POFUT3: variants seen among roughly 807,000 people sequenced by gnomAD.
POFUT3 encodes protein O-fucosyltransferase 3, also known as GDP-fucose protein O-fucosyltransferase 3.
At chr8:33,387,885 G>A in the POFUT3 span, among the ~76,000 whole-genome samples, 1 of 152,156 alleles carries the variant, frequency 6.6e-6, no homozygotes, top group Non-Finnish European at 1.5e-5. Context: ...TGGGTGATAG[G>A]CAAGTGCTAT....
the POFUT3 span, among the ~76,000 whole-genome samples, chr8:33,460,284 G>C: frequency 6.6e-6 from 1 of 152,136 alleles, no homozygotes; most frequent in Admixed American, 6.6e-5. Context: ...AGCCCAGGGA[G>C]GTCGAGGCTG....
chr8:33,442,284 C>A, the POFUT3 span, among the ~76,000 whole-genome samples: 5 of 141,316 alleles, frequency 3.5e-5, no homozygotes, highest in African/African-American at 1.3e-4. Context: ...ACTTCTTTTT[C>A]TTTCTCTTTT....
At chr8:33,364,038 C>T in the POFUT3 span, among the ~76,000 whole-genome samples, 14 of 152,228 alleles carry the variant, frequency 9.2e-5, no homozygotes, top group African/African-American at 3.4e-4. Context: ...ACTGGCAAAC[C>T]GAATCCAGCA....
At chr8:33,373,545 C>A in the POFUT3 span, among the ~76,000 whole-genome samples, 1 of 152,160 alleles carries the variant, frequency 6.6e-6, no homozygotes, top group African/African-American at 2.4e-5. Context: ...CCCCTTGATT[C>A]CACTTCTGAT....
the POFUT3 span, among the ~76,000 whole-genome samples, chr8:33,443,855 G>C: frequency 6.6e-6 from 1 of 152,090 alleles, no homozygotes. Flanking sequence ...GCCAGGCATG[G>C]GGACTCATGC....
chr8:33,445,732 C>T, the POFUT3 span, among the ~76,000 whole-genome samples: 1 of 152,092 alleles, frequency 6.6e-6, no homozygotes, highest in East Asian at 1.9e-4. Flanking sequence ...ACATAGAGAC[C>T]AGAGACCTCT....
At chr8:33,355,651 C>A in the POFUT3 span, among the ~76,000 whole-genome samples, 1 of 151,564 alleles carries the variant, frequency 6.6e-6, no homozygotes, top group African/African-American at 2.4e-5. Context: ...CAGACAATAA[C>A]AACACATTTA....
chr8:33,445,002 C>T, the POFUT3 span, among the ~76,000 whole-genome samples: 2 of 136,366 alleles, frequency 1.5e-5, no homozygotes, highest in East Asian at 2.2e-4. Flanking sequence ...AGTGCAATCT[C>T]GACTCACTGC....
the POFUT3 span, among the ~76,000 whole-genome samples, chr8:33,415,265 A>T: frequency 5.5e-4 from 84 of 152,104 alleles, no homozygotes; most frequent in African/African-American, 1.9e-3. Flanking sequence ...CTGCCTCAAA[A>T]AAATAAATAA....
At chr8:33,420,543 T>C in the POFUT3 span, among the ~76,000 whole-genome samples, 1 of 152,202 alleles carries the variant, frequency 6.6e-6, no homozygotes, top group Non-Finnish European at 1.5e-5. Context: ...ATGAAAAGTT[T>C]CAATTATAAC....
chr8:33,417,296 A>G, the POFUT3 span, among the ~76,000 whole-genome samples: 12 of 152,340 alleles, frequency 7.9e-5, no homozygotes, highest in Admixed American at 3.9e-4. Flanking sequence ...ATTCTACATT[A>G]TGGTGAGTTG....
chr8:33,332,499 A>AAG, the POFUT3 span, among the ~76,000 whole-genome samples: 22 of 146,390 alleles, frequency 1.5e-4, no homozygotes, highest in African/African-American at 5.5e-4. Context: ...AAAAAAAAAA[A>AAG]AAGAAGAAGA....
At chr8:33,343,119 A>G in the POFUT3 span, among the ~76,000 whole-genome samples, 1 of 151,986 alleles carries the variant, frequency 6.6e-6, no homozygotes, top group African/African-American at 2.4e-5. Context: ...TAAGAAAAAA[A>G]AAAAAAAGGA....
chr8:33,471,023 T>C, the POFUT3 span, among the ~76,000 whole-genome samples: 18 of 152,292 alleles, frequency 1.2e-4, no homozygotes, highest in African/African-American at 4.3e-4. Flanking sequence ...TTGGTAATTC[T>C]GTATAATCTT....
the POFUT3 span, chr8:33,370,709 T>G: frequency 6.6e-6 from 1 of 152,194 alleles, no homozygotes. Flanking sequence ...GCACTGGGTA[T>G]TTGCTGAAGG....
the POFUT3 span, among the ~76,000 whole-genome samples, chr8:33,313,419 T>C: frequency 6.6e-6 from 1 of 152,198 alleles, no homozygotes; most frequent in Non-Finnish European, 1.5e-5. Context: ...TTTCCGATCC[T>C]AACCCTTCCA....
chr8:33,339,973 A>G, the POFUT3 span, among the ~76,000 whole-genome samples: 1 of 152,210 alleles, frequency 6.6e-6, no homozygotes, highest in African/African-American at 2.4e-5. Flanking sequence ...CTAAGCAAAA[A>G]ATGAACAAAA....
chr8:33,379,218 A>G, the POFUT3 span, among the ~76,000 whole-genome samples: 1 of 152,048 alleles, frequency 6.6e-6, no homozygotes, highest in African/African-American at 2.4e-5. Flanking sequence ...CTCTCTCCTT[A>G]TAAATACCCA....
At chr8:33,454,993 C>T in the POFUT3 span, among the ~76,000 whole-genome samples, 2 of 152,226 alleles carry the variant, frequency 1.3e-5, no homozygotes, top group Admixed American at 6.5e-5. Flanking sequence ...AAACCTATGA[C>T]AGGATAATTA....
Sources: gnomAD v4.1 joint callset for allele counts (sites outside exome capture counted in the v4.1 genomes callset) on GRCh38, gnomAD v4.1.1 for gene constraint, MANE v1.5 for transcripts, NCBI Gene and HGNC (gene_info 2026-07-23, HGNC 2026-07-21) for gene names.